Variants in DRGX observed in about 807,000 individuals in gnomAD.
The protein encoded by DRGX is dorsal root ganglia homeobox.
In DRGX, 21 loss-of-function variants were observed where a neutral mutation model predicts 28.6. That is an observed-to-expected ratio of 0.73 (90% CI 0.52 to 1.06). The LOEUF (loss-of-function observed/expected upper bound fraction) is 1.06, where lower values mean the gene tolerates loss of function less well. DRGX is among the 50% of genes least tolerant of loss of function. DRGX has a pLI of 0.00. For missense variants in DRGX, 354 were observed against 343.9 expected, an observed-to-expected ratio of 1.03 and a Z score of -0.23; for synonymous variants, 136 against 139.1, an observed-to-expected ratio of 0.98 and a Z score of 0.16.
chr10:49,373,432 C>G (rs1849681699), intron 6 of DRGX, among the ~76,000 whole-genome samples: 2 of 152,142 alleles, frequency 1.3e-5, no homozygotes, highest in Non-Finnish European at 2.9e-5. Flanking sequence ...ATGCGATAGA[C>G]TGAATGGTGA....
intron 5 of DRGX, 30 bp downstream of exon 5, chr10:49,386,649 GC>G: frequency 6.4e-7 from 1 of 1,572,000 alleles, no homozygotes; most frequent in South Asian, 1.2e-5. Flanking sequence ...GCTGCCCATG[GC>G]CCACCGGGCC....
At chr10:49,395,780 T>C (rs1295432391) in intron 1 of DRGX, among the ~76,000 whole-genome samples, 155 bp downstream of exon 1, 2 of 152,146 alleles carry the variant, frequency 1.3e-5, no homozygotes, top group African/African-American at 4.8e-5. Flanking sequence ...TCTGGCTCTC[T>C]GGGGTCCCAG....
At chr10:49,380,333 C>G (rs1041880075) in intron 6 of DRGX, among the ~76,000 whole-genome samples, 3 of 152,238 alleles carry the variant, frequency 2.0e-5, no homozygotes, top group Non-Finnish European at 4.4e-5. Context: ...CTCTCCAGCC[C>G]CAGCCATTCC....
intron 6 of DRGX, among the ~76,000 whole-genome samples, chr10:49,379,878 G>A (rs1377943770): frequency 6.6e-6 from 1 of 152,182 alleles, no homozygotes; most frequent in Non-Finnish European, 1.5e-5. Context: ...GGGAAGATGG[G>A]GCCAGACTCC....
At chr10:49,391,353 AC>A in intron 2 of DRGX, 92 bp from the exon 3 acceptor site, 3 of 944,346 alleles carry the variant, frequency 3.2e-6, no homozygotes, top group Non-Finnish European at 5.0e-6. Flanking sequence ...CACCTGACCC[AC>A]CAGACAGGAA....
At chr10:49,395,313 C>A (rs1849955121) in intron 2 of DRGX, 94 bp downstream of exon 2, 4 of 1,476,908 alleles carry the variant, frequency 2.7e-6, no homozygotes, top group East Asian at 2.5e-5. Context: ...CCCCGCAGGG[C>A]GGGGACCCAG....
chr10:49,376,778 G>T (rs946498260), intron 6 of DRGX, among the ~76,000 whole-genome samples: 1 of 152,088 alleles, frequency 6.6e-6, no homozygotes, highest in African/African-American at 2.4e-5. Context: ...TCTCTGCCTG[G>T]GGGACCCTCA....
Position 49,386,858 on chromosome 10 carries a change from C to T in DRGX, c.235G>A (p.Val79Ile). Residue 79 changes from valine (V) to isoleucine (I), a missense_variant and splice_region_variant, in exon 5 of 7, where the codon GTT becomes ATT. Transcript: ENST00000374139. ...KINLTEARVQVWFQNRRAKWR... is the reference protein window; with the variant it reads ...KINLTEARVQIWFQNRRAKWR... ...TTGGCCCTTCTGTTCTGGAACCAAA[C>T]CTGAATCCCAGATGGAAACATACAC... 2 of 1,544,910 alleles carry T rather than the reference C, an allele frequency of 1.3e-6. No homozygotes were observed. The highest frequency in any genetic ancestry group is 2.1e-5 in the Admixed American group (1 of 47,156).
chr10:49,377,935 C>G (rs1262081795), intron 6 of DRGX, among the ~76,000 whole-genome samples: 1 of 152,172 alleles, frequency 6.6e-6, no homozygotes, highest in Admixed American at 6.5e-5. Flanking sequence ...CCCATCTCCT[C>G]ATGATCATAG....
intron 2 of DRGX, among the ~76,000 whole-genome samples, chr10:49,392,635 A>C (rs1849922865): frequency 6.6e-6 from 1 of 152,232 alleles, no homozygotes; most frequent in South Asian, 2.1e-4. Context: ...TAATTTATAC[A>C]TCATGGTCCC....
chr10:49,370,283 T>C (rs192416486), intron 6 of DRGX, among the ~76,000 whole-genome samples: 2 of 152,274 alleles, frequency 1.3e-5, no homozygotes, highest in East Asian at 3.9e-4. Flanking sequence ...CTTGCACCTG[T>C]AGTCCCAGCT....
chr10:49,371,554 G>A (rs1849659575), intron 6 of DRGX, among the ~76,000 whole-genome samples: 2 of 152,002 alleles, frequency 1.3e-5, no homozygotes, highest in South Asian at 4.2e-4. Context: ...CACTTTGGGA[G>A]GCCAAGGCAG....
intron 6 of DRGX, among the ~76,000 whole-genome samples, chr10:49,378,477 T>C (rs146034126): frequency 7.5e-4 from 115 of 152,320 alleles, no homozygotes; most frequent in Admixed American, 3.0e-3. Flanking sequence ...TGTTCTAAAA[T>C]TTATTGTAGT....
rs1029919351 is a variant in DRGX, at chr10:49,395,494, C to A, written c.-54G>T. 18 of 1,541,694 alleles carry A rather than the reference C, an allele frequency of 1.2e-5. No homozygotes were observed. The Admixed American group carries it at 3.3e-4, about 29-fold the overall frequency. Reference sequence around the variant, plus strand: ...GAGACCTGGGAGGGTGGCAGCAGAACGGACCCGCGCGCGTTGCTCCTGCCT... The same window carrying A: ...GAGACCTGGGAGGGTGGCAGCAGAAAGGACCCGCGCGCGTTGCTCCTGCCT... On this transcript the variant is annotated 5_prime_UTR_variant, in exon 2 of 7. Transcript: ENST00000374139.
intron 6 of DRGX, among the ~76,000 whole-genome samples, chr10:49,371,791 CAAA>C (rs563658320): frequency 0.011 from 500 of 45,410 alleles, 2 homozygotes; most frequent in African/African-American, 0.017. Flanking sequence ...GACTCCATCT[CAAA>C]AAAAAAAAAA....
intron 6 of DRGX, among the ~76,000 whole-genome samples, chr10:49,384,417 A>C (rs1301143045): frequency 6.6e-6 from 1 of 152,116 alleles, no homozygotes. Flanking sequence ...GACACATCCA[A>C]GTTTGATGAG....
At chr10:49,387,740 T>C (rs1416630674) in intron 4 of DRGX, among the ~76,000 whole-genome samples, 1 of 152,080 alleles carries the variant, frequency 6.6e-6, no homozygotes, top group Non-Finnish European at 1.5e-5. Context: ...GGCCTAGAAT[T>C]TGGGACCTCA....
chr10:49,377,314 G>T (rs1849727118), intron 6 of DRGX, among the ~76,000 whole-genome samples: 1 of 152,230 alleles, frequency 6.6e-6, no homozygotes, highest in Non-Finnish European at 1.5e-5. Context: ...AGTATAAATA[G>T]TCCCAACTGG....
At position 49,365,109 on chromosome 10, in the gene DRGX, C is replaced by T. The variant is rs940605790; in HGVS notation, c.*1007G>A. On this transcript the variant is annotated 3_prime_UTR_variant, in exon 7 of 7. Transcript: ENST00000374139. ...GTCTTCCCCATGCTCCATATCTGCA[C>T]ATACGCCGTTCCTGTCTCCTTTCCT... is the stretch of plus-strand genomic sequence containing the variant. 2 of 151,344 alleles carry T rather than the reference C, an allele frequency of 1.3e-5. No homozygotes were observed. The highest frequency in any genetic ancestry group is 6.6e-5 in the Admixed American group (1 of 15,254). 9.4% of individuals were successfully genotyped at this position (151,344 alleles called of 1,614,324 possible).
Sources: allele counts gnomAD v4.1 joint callset (sites outside exome capture counted in the v4.1 genomes callset), GRCh38; gene constraint gnomAD v4.1.1; transcripts MANE v1.5; gene names NCBI Gene and HGNC (gene_info 2026-07-23, HGNC 2026-07-21).